FBXW10B: variants seen among roughly 807,000 people sequenced by gnomAD.
FBXW10B encodes the protein F-box and WD repeat domain containing protein 10B.
the FBXW10B span, chr17:15,614,107 C>A: frequency 1.3e-6 from 2 of 1,497,216 alleles, no homozygotes; most frequent in Non-Finnish European, 9.1e-7. Context: ...CAAGTCCCCA[C>A]CAAAAGCTCT....
chr17:15,569,465 T>TTA, the FBXW10B span, among the ~76,000 whole-genome samples: 12 of 132,756 alleles, frequency 9.0e-5, no homozygotes, highest in Non-Finnish European at 1.8e-4. Flanking sequence ...CTTTTTTTTT[T>TTA]TTTTTTTTTT....
At chr17:15,606,629 A>G in the FBXW10B span, among the ~76,000 whole-genome samples, 2 of 146,954 alleles carry the variant, frequency 1.4e-5, no homozygotes, top group Non-Finnish European at 3.0e-5. Flanking sequence ...ATACATGTAC[A>G]TATATGTATA....
the FBXW10B span, among the ~76,000 whole-genome samples, chr17:15,603,110 C>T: frequency 6.8e-6 from 1 of 146,900 alleles, no homozygotes; most frequent in Non-Finnish European, 1.5e-5. Flanking sequence ...TCTCAAACTC[C>T]CGACCTCAGA....
the FBXW10B span, among the ~76,000 whole-genome samples, chr17:15,578,950 A>AC: frequency 6.6e-6 from 1 of 152,110 alleles, no homozygotes; most frequent in African/African-American, 2.4e-5. Flanking sequence ...GGATTCTTTC[A>AC]GTCAGCTTTC....
the FBXW10B span, among the ~76,000 whole-genome samples, chr17:15,585,255 T>C: frequency 6.6e-6 from 1 of 152,144 alleles, no homozygotes; most frequent in African/African-American, 2.4e-5. Flanking sequence ...GTGTGCCATG[T>C]TGGGAAAATA....
chr17:15,610,287 A>G, the FBXW10B span, among the ~76,000 whole-genome samples: 7 of 152,048 alleles, frequency 4.6e-5, no homozygotes, highest in Non-Finnish European at 2.9e-5. Flanking sequence ...CAGAAGCCGC[A>G]CTCTCTTACA....
chr17:15,598,450 T>C, the FBXW10B span: 3 of 1,609,720 alleles, frequency 1.9e-6, no homozygotes, highest in South Asian at 1.1e-5. Flanking sequence ...TGCCTGCCTA[T>C]AGAAATGAGC....
the FBXW10B span, chr17:15,568,970 C>T: frequency 4.1e-6 from 5 of 1,230,452 alleles, no homozygotes; most frequent in Non-Finnish European, 5.1e-6. Context: ...CTGCCTTCTT[C>T]CTAACCCTCC....
chr17:15,604,604 G>A, the FBXW10B span, among the ~76,000 whole-genome samples: 51 of 152,120 alleles, frequency 3.4e-4, no homozygotes, highest in African/African-American at 1.2e-3. Flanking sequence ...GCGCGATCTC[G>A]GCTCACTGCA....
At chr17:15,584,563 C>T in the FBXW10B span, among the ~76,000 whole-genome samples, 11 of 152,196 alleles carry the variant, frequency 7.2e-5, no homozygotes, top group Non-Finnish European at 1.5e-4. Context: ...AAATAAATTT[C>T]ACACAGTTTG....
At chr17:15,578,203 T>C in the FBXW10B span, among the ~76,000 whole-genome samples, 9 of 151,478 alleles carry the variant, frequency 5.9e-5, no homozygotes, top group Non-Finnish European at 1.2e-4. Flanking sequence ...TGAAGAAGCA[T>C]TTTTTGTTTG....
chr17:15,610,205 G>C, the FBXW10B span, among the ~76,000 whole-genome samples: 8 of 152,284 alleles, frequency 5.3e-5, no homozygotes, highest in East Asian at 7.7e-4. Flanking sequence ...AAAGAGGAGA[G>C]AAAGGCGAAG....
At chr17:15,570,420 G>A in the FBXW10B span, among the ~76,000 whole-genome samples, 1 of 152,182 alleles carries the variant, frequency 6.6e-6, no homozygotes, top group African/African-American at 2.4e-5. Context: ...AAATATATGT[G>A]TAAGGATAAA....
the FBXW10B span, among the ~76,000 whole-genome samples, chr17:15,591,850 C>A: frequency 6.6e-6 from 1 of 152,164 alleles, no homozygotes; most frequent in South Asian, 2.1e-4. Context: ...ACTCCAGGAT[C>A]TCTGCACACA....
the FBXW10B span, among the ~76,000 whole-genome samples, chr17:15,609,852 CTTTTTTT>C: frequency 1.5e-4 from 15 of 103,182 alleles, no homozygotes; most frequent in Non-Finnish European, 1.7e-4. Context: ...TTCTTTCTTT[CTTTTTTT>C]TTTTTTTTTT....
chr17:15,569,455 C>CTTTTTTTTTT, the FBXW10B span, among the ~76,000 whole-genome samples: 32 of 59,194 alleles, frequency 5.4e-4, no homozygotes, highest in East Asian at 1.4e-3. Context: ...TTTTCTTTTT[C>CTTTTTTTTTT]TTTTTTTTTT....
chr17:15,569,726 C>T, the FBXW10B span, among the ~76,000 whole-genome samples: 2 of 152,104 alleles, frequency 1.3e-5, no homozygotes, highest in South Asian at 4.2e-4. Context: ...CGAGCCAACA[C>T]ACCCAGCTAA....
the FBXW10B span, among the ~76,000 whole-genome samples, chr17:15,571,204 G>A: frequency 6.6e-6 from 1 of 152,030 alleles, no homozygotes; most frequent in Admixed American, 6.6e-5. Context: ...AAAAAATTAG[G>A]TATGGCAGCA....
At chr17:15,580,273 CT>C in the FBXW10B span, among the ~76,000 whole-genome samples, 1 of 152,194 alleles carries the variant, frequency 6.6e-6, no homozygotes, top group Non-Finnish European at 1.5e-5. Flanking sequence ...AAAATTAGAA[CT>C]TTTTTTGCAA....
Sources: gnomAD v4.1 joint callset for allele counts (sites outside exome capture counted in the v4.1 genomes callset) on GRCh38, gnomAD v4.1.1 for gene constraint, MANE v1.5 for transcripts, NCBI Gene and HGNC (gene_info 2026-07-23, HGNC 2026-07-21) for gene names.